Variants in ALDH1A1 observed in about 807,000 individuals in gnomAD.
ALDH1A1 encodes the protein aldehyde dehydrogenase 1 family member A1, also known as aldehyde dehydrogenase 1A1.
ALDH1A1 carries 19 observed loss-of-function variants against 62.1 expected under a neutral mutation model. The observed-to-expected ratio is 0.31, with a 90% CI of 0.21 to 0.45. ALDH1A1 has a LOEUF of 0.45. Among genes scored for constraint, ALDH1A1 ranks in the 20% least tolerant of loss-of-function variants. ALDH1A1 has a pLI of 1.00. For missense variants in ALDH1A1, 521 were observed against 607.1 expected, an observed-to-expected ratio of 0.86 and a Z score of 1.49; for synonymous variants, 231 against 215.9, an observed-to-expected ratio of 1.07 and a Z score of -0.61.
chr9:72,931,748 T>G (rs1434738984), intron 2 of ALDH1A1, among the ~76,000 whole-genome samples: 1 of 152,192 alleles, frequency 6.6e-6, no homozygotes, highest in Non-Finnish European at 1.5e-5. Flanking sequence ...GAGTAGGATG[T>G]GCATGTGACA....
rs139444933 is a variant in ALDH1A1 at position 72,940,237 on chromosome 9, C to T, written c.82G>A (p.Glu28Lys). Residue 28 changes from glutamate (E) to lysine (K), a missense_variant, in exon 2 of 13, where the codon GAA becomes AAA. By Grantham distance (56) the Glu-to-Lys change is moderately conservative. Coordinates refer to ENST00000297785, the MANE Select transcript of ALDH1A1 (RefSeq NM_000689.5). Reference protein sequence around the residue: ...IQYTKIFINNEWHDSVSGKKF... With the variant: ...IQYTKIFINNKWHDSVSGKKF... ...TTGCCACTCACTGAATCATGCCATT[C>T]ATTGTTTATGAAGATCTGTAGAGAT... 5.4e-5 allele frequency: 87 copies of T among 1,612,950 alleles called. No individual in the cohort carries two copies. Among genetic ancestry groups the T allele is most frequent in the Non-Finnish European group, 1.4e-5 (17 of 1,179,310 alleles).
intron 1 of ALDH1A1, among the ~76,000 whole-genome samples, chr9:72,944,792 T>C (rs1289639178): frequency 6.6e-6 from 1 of 152,224 alleles, no homozygotes; most frequent in African/African-American, 2.4e-5. Context: ...ATTCTAATTA[T>C]GAATTTTGGA....
intron 6 of ALDH1A1, among the ~76,000 whole-genome samples, chr9:72,924,447 G>T (rs1233881456): frequency 1.3e-5 from 2 of 152,136 alleles, no homozygotes; most frequent in Non-Finnish European, 2.9e-5. Flanking sequence ...AAAGTGTTTG[G>T]TAAGTTACTT....
intron 3 of ALDH1A1, among the ~76,000 whole-genome samples, chr9:72,929,816 G>A (rs1315913296): frequency 6.6e-6 from 1 of 152,170 alleles, no homozygotes; most frequent in Non-Finnish European, 1.5e-5. Flanking sequence ...TGTGACTTTT[G>A]TATGCCTGTA....
At chr9:72,937,450 G>A (rs1036800826) in intron 2 of ALDH1A1, among the ~76,000 whole-genome samples, 2 of 152,164 alleles carry the variant, frequency 1.3e-5, no homozygotes, top group African/African-American at 4.8e-5. Flanking sequence ...ACCCGGGCAT[G>A]ACTGAAGGTT....
intron 2 of ALDH1A1, 92 bp from the exon 3 acceptor site, chr9:72,931,111 T>A: frequency 1.4e-6 from 2 of 1,423,472 alleles, no homozygotes; most frequent in African/African-American, 1.4e-5. Context: ...CTGTAGTGCC[T>A]CATAAGCAGG....
At chr9:72,929,544 A>G (rs1435858300) in intron 3 of ALDH1A1, among the ~76,000 whole-genome samples, 1 of 152,240 alleles carries the variant, frequency 6.6e-6, no homozygotes, top group Non-Finnish European at 1.5e-5. Flanking sequence ...CAGAATTTTA[A>G]TTAGGAAACT....
At chr9:72,918,854 AC>A in intron 7 of ALDH1A1, 32 bp from the exon 8 acceptor site, 1 of 1,513,836 alleles carries the variant, frequency 6.6e-7, no homozygotes, top group Non-Finnish European at 9.2e-7. Context: ...GAGGAGGCTT[AC>A]CCTGCTCTCA....
At position 72,925,578 on chromosome 9, in the gene ALDH1A1, A is replaced by G. The variant is rs1176544196; in HGVS notation, c.539T>C (p.Ile180Thr). The G allele has an allele frequency of 3.1e-6, 5 of 1,613,208 alleles. No individual in the cohort carries two copies. In the Admixed American group the frequency reaches 5.0e-5, roughly 16 times the overall value. ...NFPLVMLIWK[I>T]GPALSCGNTV... The stretch of plus-strand genomic sequence containing the variant: ...GTTTCCACAGCTCAGTGCAGGCCCT[A>G]TCTTCCAAATGAGCATAACCAACGG... Residue 180 changes from isoleucine (I) to threonine (T), a missense_variant, in exon 6 of 13, where the codon ATA (isoleucine) becomes ACA (threonine). Coordinates refer to ENST00000297785, the MANE Select transcript of ALDH1A1 (RefSeq NM_000689.5).
At chr9:72,931,931 C>T (rs762352937) in intron 2 of ALDH1A1, among the ~76,000 whole-genome samples, 1 of 152,180 alleles carries the variant, frequency 6.6e-6, no homozygotes, top group Non-Finnish European at 1.5e-5. Context: ...TCTCATAGTG[C>T]CTTCACTCAA....
chr9:72,928,850 C>G, intron 4 of ALDH1A1, 42 bp downstream of exon 4: 4 of 1,581,494 alleles, frequency 2.5e-6, no homozygotes, highest in Non-Finnish European at 3.4e-6. Context: ...GTAAACTCCT[C>G]GCTCCTATCC....
chr9:72,933,000 C>T (rs1277267296), intron 2 of ALDH1A1, among the ~76,000 whole-genome samples: 3 of 152,192 alleles, frequency 2.0e-5, no homozygotes, highest in Non-Finnish European at 2.9e-5. Flanking sequence ...ATATGGAAAG[C>T]ACATCCCTAA....
intron 1 of ALDH1A1, among the ~76,000 whole-genome samples, chr9:72,951,198 T>C (rs8187870): frequency 0.01 from 1,544 of 152,004 alleles, 33 homozygotes; most frequent in African/African-American, 0.036. Context: ...TCACTTTCCC[T>C]AGAGGGGAGT....
At position 72,935,942 on chromosome 9, in the gene ALDH1A1, A is replaced by G. The variant is rs139357240; in HGVS notation, c.171+4206T>C. 1.4e-3 allele frequency among the ~76,000 whole-genome samples: 216 copies of G among 152,354 alleles called. 1 individual carries two copies. Among genetic ancestry groups the G allele is most frequent in the African/African-American group, 5.0e-3 (207 of 41,580 alleles). ...TTGTCGGCAAAATTGTGGGAAGAGCAATAATTATTTAAAAATATGTTTTAA... is the reference window on the plus strand; with the variant it reads ...TTGTCGGCAAAATTGTGGGAAGAGCGATAATTATTTAAAAATATGTTTTAA... On this transcript the variant is annotated intron_variant, in intron 2 of 12. Transcript: ENST00000297785.
intron 12 of ALDH1A1, among the ~76,000 whole-genome samples, chr9:72,904,875 C>T (rs1829856222): frequency 6.6e-6 from 1 of 152,104 alleles, no homozygotes; most frequent in Non-Finnish European, 1.5e-5. Flanking sequence ...GTCCTGCCAC[C>T]ACAGCTATGT....
intron 2 of ALDH1A1, among the ~76,000 whole-genome samples, chr9:72,932,114 A>G (rs1830288579): frequency 6.6e-6 from 1 of 152,232 alleles, no homozygotes; most frequent in Non-Finnish European, 1.5e-5. Flanking sequence ...ATAAAGGAAT[A>G]TATCATTCCA....
chr9:72,948,387 C>T (rs1456145492), intron 1 of ALDH1A1, among the ~76,000 whole-genome samples: 1 of 151,952 alleles, frequency 6.6e-6, no homozygotes, highest in Non-Finnish European at 1.5e-5. Flanking sequence ...CAAAATCCGC[C>T]AGCCGATCTG....
intron 9 of ALDH1A1, among the ~76,000 whole-genome samples, chr9:72,915,529 C>T (rs1188331908): frequency 2.0e-5 from 3 of 152,002 alleles, no homozygotes; most frequent in Non-Finnish European, 4.4e-5. Flanking sequence ...TATCTCTTGG[C>T]ATCCATATAC....
chr9:72,931,129 T>G, intron 2 of ALDH1A1, 110 bp from the exon 3 acceptor site: 1 of 1,204,596 alleles, frequency 8.3e-7, no homozygotes, highest in Non-Finnish European at 1.2e-6. Flanking sequence ...AGGCACTGTG[T>G]CTCCATTATC....
Sources: gnomAD v4.1 joint callset for allele counts (sites outside exome capture counted in the v4.1 genomes callset) on GRCh38, gnomAD v4.1.1 for gene constraint, MANE v1.5 for transcripts, NCBI Gene and HGNC (gene_info 2026-07-23, HGNC 2026-07-21) for gene names.